PLA2G2C: variants seen among roughly 807,000 people sequenced by gnomAD.
The protein encoded by PLA2G2C is putative inactive group IIC secretory phospholipase A2.
In PLA2G2C, 15 loss-of-function variants were observed where a neutral mutation model predicts 14.3. The observed-to-expected ratio is 1.05, with a 90% CI of 0.70 to 1.62. The LOEUF is 1.62. Ranked by LOEUF, PLA2G2C falls within the 40% of genes most tolerant of loss-of-function variation. The pLI is 0.00. For synonymous variants in PLA2G2C, 79 were observed against 67.7 expected (o/e 1.17, Z -0.82); for missense variants, 162 against 173.2 (o/e 0.94, Z 0.36).
chr1:20,181,839 G>A (rs898070871), intron 1 of PLA2G2C, among the ~76,000 whole-genome samples: 7 of 152,156 alleles, frequency 4.6e-5, no homozygotes, highest in South Asian at 2.1e-4. Context: ...TATTGACTGC[G>A]AGTTGCCAAG....
At chr1:20,182,203 T>G (rs796359155) in intron 1 of PLA2G2C, among the ~76,000 whole-genome samples, 1 of 152,214 alleles carries the variant, frequency 6.6e-6, no homozygotes, top group African/African-American at 2.4e-5. Context: ...CACCATATAA[T>G]GACATTTTGG....
At chr1:20,168,293 A>G (rs1376967378) in intron 4 of PLA2G2C, among the ~76,000 whole-genome samples, 1 of 152,232 alleles carries the variant, frequency 6.6e-6, no homozygotes, top group Non-Finnish European at 1.5e-5. Flanking sequence ...TCATTAAACA[A>G]ACAAGTATTG....
At position 20,176,524 on chromosome 1, in the gene PLA2G2C, A is replaced by G. The variant is rs141560455; in HGVS notation, c.40+800T>C. 2.5e-3 allele frequency among the ~76,000 whole-genome samples: 383 copies of G among 152,338 alleles called. 1 individual carries two copies. The highest frequency in any genetic ancestry group is 8.6e-3 in the African/African-American group (356 of 41,594). On this transcript the variant is annotated intron_variant, in intron 2 of 4. Coordinates refer to ENST00000679259, the MANE Select transcript of PLA2G2C (RefSeq NM_001367969.2). The stretch of plus-strand genomic sequence containing the variant: ...GATCTCACTATCGTGTTCAGTCTAA[A>G]CGGGGGTGTGGCGGAAGAAACCCAT...
At chr1:20,168,599 G>C (rs1218782666) in intron 4 of PLA2G2C, among the ~76,000 whole-genome samples, 2 of 152,240 alleles carry the variant, frequency 1.3e-5, no homozygotes, top group Non-Finnish European at 2.9e-5. Flanking sequence ...ATATTCAGCA[G>C]TAAATGAGAA....
intron 3 of PLA2G2C, among the ~76,000 whole-genome samples, chr1:20,173,819 C>T (rs1033864924): frequency 6.6e-6 from 1 of 152,264 alleles, no homozygotes; most frequent in African/African-American, 2.4e-5. Flanking sequence ...CCATTCCCAT[C>T]TGCAAGTGGG....
chr1:20,165,931 A>T (rs2017970959), intron 4 of PLA2G2C, among the ~76,000 whole-genome samples: 1 of 152,184 alleles, frequency 6.6e-6, no homozygotes, highest in Non-Finnish European at 1.5e-5. Context: ...AGGCCACCAG[A>T]CGCCCGGTTT....
chr1:20,170,650 T>G (rs967190213), intron 4 of PLA2G2C, among the ~76,000 whole-genome samples: 1 of 149,444 alleles, frequency 6.7e-6, no homozygotes, highest in Non-Finnish European at 1.5e-5. Context: ...AAGGTGGGGG[T>G]GGGGATGACA....
intron 4 of PLA2G2C, among the ~76,000 whole-genome samples, chr1:20,171,990 C>T (rs1308464717): frequency 1.3e-5 from 2 of 151,680 alleles, no homozygotes; most frequent in East Asian, 3.9e-4. Context: ...GTCTCGATCT[C>T]CTGACCTCGT....
chr1:20,180,902 A>G lies in PLA2G2C; in HGVS notation c.-76-3463T>C, dbSNP rs76672991. 5.5e-3 allele frequency among the ~76,000 whole-genome samples: 844 copies of G among 152,318 alleles called. 4 individuals carry two copies. The highest frequency in any genetic ancestry group is 0.018 in the African/African-American group (754 of 41,568). ...GGACCCATCAATTCAGCTTTTATCA[A>G]CAGTAATGAAACACTGGTTGGCTTT... On this transcript the variant is annotated intron_variant, in intron 1 of 4. Transcript: ENST00000679259.
At chr1:20,164,719 T>A (rs961836872) in intron 4 of PLA2G2C, among the ~76,000 whole-genome samples, 1 of 152,256 alleles carries the variant, frequency 6.6e-6, no homozygotes, top group African/African-American at 2.4e-5. Context: ...GATATCCTAG[T>A]GCTCCCTCTG....
rs2017912691 is a variant in PLA2G2C, at chr1:20,163,881, C to T, written c.*110G>A. 8.1e-7 allele frequency: 1 copy of T among 1,238,994 alleles called. No homozygotes were observed. The highest frequency in any genetic ancestry group is 1.5e-5 in the African/African-American group (1 of 65,310). 76.8% of individuals were successfully genotyped at this position (1,238,994 alleles called of 1,614,324 possible). On this transcript the variant is annotated 3_prime_UTR_variant, in exon 5 of 5. Coordinates refer to ENST00000679259, the MANE Select transcript of PLA2G2C (RefSeq NM_001367969.2). ...AGCTGCCCTGCGGGAGACATTTTGT[C>T]CTCCCTCCCAGTGGAAGAACAGGGG...
intron 3 of PLA2G2C, among the ~76,000 whole-genome samples, chr1:20,173,378 A>T (rs907007929): frequency 1.3e-5 from 2 of 152,178 alleles, no homozygotes. Context: ...AGCCCTCTCT[A>T]GTATCTGTTG....
At chr1:20,171,701 T>A (rs1484989664) in intron 4 of PLA2G2C, among the ~76,000 whole-genome samples, 3 of 151,562 alleles carry the variant, frequency 2.0e-5, no homozygotes, top group Non-Finnish European at 2.9e-5. Context: ...AAGTGATTCA[T>A]GCAACCCCAC....
intron 4 of PLA2G2C, among the ~76,000 whole-genome samples, chr1:20,171,756 TTC>T (rs1234431957): frequency 6.8e-6 from 1 of 147,028 alleles, no homozygotes; most frequent in South Asian, 2.2e-4. Flanking sequence ...AAGCCACTTC[TTC>T]TTTTTTTTTT....
chr1:20,183,971 C>T (rs1371113891), intron 1 of PLA2G2C, among the ~76,000 whole-genome samples: 3 of 152,194 alleles, frequency 2.0e-5, no homozygotes, highest in Admixed American at 6.5e-5. Flanking sequence ...CAGGTCTGTC[C>T]TTTGAAGACA....
chr1:20,175,285 G>GGT, intron 2 of PLA2G2C, 140 bp from the exon 3 acceptor site: 3 of 1,211,626 alleles, frequency 2.5e-6, no homozygotes, highest in Non-Finnish European at 3.5e-6. Context: ...GGGCATGGCT[G>GGT]GAATCACCAG....
rs1216834210 is a variant in PLA2G2C at position 20,175,297 on chromosome 1, C to T, written c.41-152G>A. Reference sequence around the variant, plus strand: ...AAGGGGCATGGCTGGAATCACCAGCCTCTTTCCTGGGGAATAAAATAGGTT... The same window carrying T: ...AAGGGGCATGGCTGGAATCACCAGCTTCTTTCCTGGGGAATAAAATAGGTT... On this transcript the variant is annotated intron_variant, in intron 2 of 4. Coordinates refer to ENST00000679259, the MANE Select transcript of PLA2G2C (RefSeq NM_001367969.2). 5.3e-6 allele frequency: 6 copies of T among 1,136,132 alleles called. No individual in the cohort carries two copies. The African/African-American group carries it at 7.8e-5, about 15-fold the overall frequency. The allele number at this position is 1,136,132 out of a possible 1,614,324, so 70.4% of individuals were successfully genotyped here. A position where few individuals can be genotyped will look rare whatever the true frequency, so the allele number is the denominator to read the frequency against.
At chr1:20,174,049 C>T (rs936876331) in intron 3 of PLA2G2C, among the ~76,000 whole-genome samples, 9 of 152,032 alleles carry the variant, frequency 5.9e-5, no homozygotes, top group South Asian at 4.1e-4. Context: ...ATCACTGTCT[C>T]GTGCATTCCC....
At chr1:20,164,807 T>C (rs10753482) in intron 4 of PLA2G2C, among the ~76,000 whole-genome samples, 52,031 of 152,120 alleles carry the variant, frequency 0.34, 9,083 homozygotes, top group East Asian at 0.51. Flanking sequence ...CCACATTTCA[T>C]GTCCGGTCTG....
Sources: allele counts gnomAD v4.1 joint callset (sites outside exome capture counted in the v4.1 genomes callset), GRCh38; gene constraint gnomAD v4.1.1; transcripts MANE v1.5; gene names NCBI Gene and HGNC (gene_info 2026-07-23, HGNC 2026-07-21).